Variants in CHRM3 observed in about 807,000 individuals in gnomAD.
The protein encoded by CHRM3 is cholinergic receptor muscarinic 3, also known as muscarinic acetylcholine receptor M3.
Under a neutral mutation model 41.8 loss-of-function variants are expected in CHRM3, and 11 were observed. The ratio of observed to expected loss-of-function variants is 0.26; its 90% CI spans 0.17 to 0.44. The LOEUF is 0.44. Ranked by LOEUF, CHRM3 falls within the 20% of genes least tolerant of loss-of-function variation. The probability of loss-of-function intolerance (pLI) is 1.00; values close to 1 mark genes in which losing one functional copy is unlikely to be tolerated. For missense variants in CHRM3, 571 were observed against 745.4 expected (o/e 0.77, Z 2.72); for synonymous variants, 297 against 301.4 (o/e 0.99, Z 0.15).
rs368061432 is a variant in CHRM3, at chr1:239,784,888, G to A, written c.-146-42364G>A. On this transcript the variant is annotated intron_variant, in intron 5 of 6. Transcript: ENST00000676153. ...CTAAGTGATTTCTAATGTCTTTCCA[G>A]CTCTATTTTTCAGTGATTTTAGTTT... Among the ~76,000 whole-genome samples, 18 of 152,216 alleles carry A rather than the reference G, an allele frequency of 1.2e-4. No individual in the cohort carries two copies. In the East Asian group the frequency reaches 3.5e-3, roughly 29 times the overall value.
At chr1:239,496,125 CT>C (rs1370124284) in intron 2 of CHRM3, among the ~76,000 whole-genome samples, 1 of 152,058 alleles carries the variant, frequency 6.6e-6, no homozygotes, top group Non-Finnish European at 1.5e-5. Context: ...TGACGTCTCT[CT>C]ATTTATTTCT....
chr1:239,643,282 A>G (rs1024821390), intron 4 of CHRM3, among the ~76,000 whole-genome samples: 10 of 152,308 alleles, frequency 6.6e-5, no homozygotes, highest in African/African-American at 2.4e-4. Flanking sequence ...TGGGAGAACC[A>G]CTGCTCTCTT....
chr1:239,819,327 T>G (rs1285849293), intron 5 of CHRM3, among the ~76,000 whole-genome samples: 1 of 152,144 alleles, frequency 6.6e-6, no homozygotes, highest in Non-Finnish European at 1.5e-5. Flanking sequence ...TTCATGCACT[T>G]GAAGGGCTTA....
chr1:239,701,297 C>T (rs1660663396), intron 5 of CHRM3, among the ~76,000 whole-genome samples: 1 of 152,190 alleles, frequency 6.6e-6, no homozygotes, highest in African/African-American at 2.4e-5. Context: ...GTGTGGTCTT[C>T]AGACAGCCTT....
At chr1:239,685,903 T>A (rs1195124559) in intron 5 of CHRM3, among the ~76,000 whole-genome samples, 2 of 152,066 alleles carry the variant, frequency 1.3e-5, no homozygotes, top group Non-Finnish European at 2.9e-5. Flanking sequence ...TGTCACTGCC[T>A]CCTGCCATTG....
chr1:239,389,500 A>T lies in CHRM3; in HGVS notation c.-521+2273A>T, dbSNP rs970848543. Among the ~76,000 whole-genome samples, 21 of 152,214 alleles carry T rather than the reference A, an allele frequency of 1.4e-4. 1 individual carries two copies. Among genetic ancestry groups the T allele is most frequent in the Non-Finnish European group, 2.9e-5 (2 of 68,034 alleles). ...ATGATTTAATTTCTTAACAAAGAAAATTTGTTATAAATTAGAGTATGTAAA... is the reference window on the plus strand; with the variant it reads ...ATGATTTAATTTCTTAACAAAGAAATTTTGTTATAAATTAGAGTATGTAAA... On this transcript the variant is annotated intron_variant, in intron 1 of 6. Transcript: ENST00000676153.
chr1:239,666,790 A>G (rs932767577), intron 4 of CHRM3, among the ~76,000 whole-genome samples: 8 of 152,170 alleles, frequency 5.3e-5, no homozygotes, highest in Non-Finnish European at 7.3e-5. Flanking sequence ...AAGTGAGCAT[A>G]GTGTCCAACA....
At chr1:239,821,578 A>T (rs1421273520) in intron 5 of CHRM3, among the ~76,000 whole-genome samples, 1 of 152,228 alleles carries the variant, frequency 6.6e-6, no homozygotes. Context: ...CCAGTCTCCC[A>T]GCCACTAGGA....
chr1:239,751,447 A>G (rs1665817802), intron 5 of CHRM3, among the ~76,000 whole-genome samples: 1 of 152,216 alleles, frequency 6.6e-6, no homozygotes, highest in Non-Finnish European at 1.5e-5. Context: ...TCTATAATTT[A>G]GTTTTTGCAA....
At chr1:239,796,713 G>T (rs1669804761) in intron 5 of CHRM3, among the ~76,000 whole-genome samples, 1 of 152,108 alleles carries the variant, frequency 6.6e-6, no homozygotes, top group Non-Finnish European at 1.5e-5. Context: ...TAAAAAAACA[G>T]ATTTAGGGGG....
At chr1:239,882,440 T>C (rs755394809) in intron 6 of CHRM3, among the ~76,000 whole-genome samples, 16 of 152,226 alleles carry the variant, frequency 1.1e-4, no homozygotes, top group Non-Finnish European at 2.1e-4. Flanking sequence ...TCAAAATATA[T>C]GTATTTTAAT....
At chr1:239,888,941 T>G (rs755781569) in intron 6 of CHRM3, among the ~76,000 whole-genome samples, 2 of 152,178 alleles carry the variant, frequency 1.3e-5, no homozygotes, top group Non-Finnish European at 1.5e-5. Context: ...CCAAGTACGT[T>G]GTCATCTCCA....
intron 4 of CHRM3, among the ~76,000 whole-genome samples, chr1:239,634,916 A>G (rs192796199): frequency 3.9e-4 from 59 of 152,316 alleles, no homozygotes; most frequent in Middle Eastern, 3.4e-3. Flanking sequence ...TTATTTGTAA[A>G]TTGAAGGTAT....
chr1:239,770,974 G>A (rs941763494), intron 5 of CHRM3, among the ~76,000 whole-genome samples: 1 of 151,832 alleles, frequency 6.6e-6, no homozygotes, highest in Non-Finnish European at 1.5e-5. Context: ...TGTAATCCCA[G>A]CTACTATGGA....
At chr1:239,395,734 G>A (rs1446648785) in intron 1 of CHRM3, among the ~76,000 whole-genome samples, 2 of 152,110 alleles carry the variant, frequency 1.3e-5, no homozygotes, top group Non-Finnish European at 2.9e-5. Context: ...GAGAAGAAAG[G>A]CTTTATGTTT....
chr1:239,856,596 G>A (rs944536791), intron 6 of CHRM3, among the ~76,000 whole-genome samples: 1 of 152,074 alleles, frequency 6.6e-6, no homozygotes, highest in Admixed American at 6.6e-5. Flanking sequence ...CCAGTCTTGG[G>A]TAGTTCTTTA....
At chr1:239,832,477 T>C (rs1375621425) in intron 6 of CHRM3, among the ~76,000 whole-genome samples, 1 of 152,104 alleles carries the variant, frequency 6.6e-6, no homozygotes, top group Non-Finnish European at 1.5e-5. Flanking sequence ...GAAGCCCTCG[T>C]AGCCTTCCTT....
At chr1:239,455,650 C>A (rs1359995501) in intron 1 of CHRM3, among the ~76,000 whole-genome samples, 1 of 151,870 alleles carries the variant, frequency 6.6e-6, no homozygotes, top group Admixed American at 6.6e-5. Flanking sequence ...ATAAAGAAAC[C>A]AAATATTTTT....
intron 6 of CHRM3, among the ~76,000 whole-genome samples, chr1:239,872,449 C>A (rs955586381): frequency 2.0e-5 from 3 of 152,138 alleles, no homozygotes; most frequent in Non-Finnish European, 4.4e-5. Context: ...AAAAGTAGGA[C>A]TCCTCCCAAA....
Sources: allele counts gnomAD v4.1 joint callset (sites outside exome capture counted in the v4.1 genomes callset), GRCh38; gene constraint gnomAD v4.1.1; transcripts MANE v1.5; gene names NCBI Gene and HGNC (gene_info 2026-07-23, HGNC 2026-07-21).